KCTD3: variants seen among roughly 807,000 people sequenced by gnomAD.
The protein encoded by KCTD3 is BTB/POZ domain-containing protein KCTD3.
Under a neutral mutation model 85.8 loss-of-function variants are expected in KCTD3, and 41 were observed. The ratio of observed to expected loss-of-function variants is 0.48; its 90% confidence interval spans 0.37 to 0.62. The LOEUF is 0.62. Ranked by LOEUF, KCTD3 falls within the 20% of genes least tolerant of loss-of-function variation. KCTD3 has a pLI of 0.00. For missense variants in KCTD3, 724 were observed against 989.9 expected (o/e 0.73, Z 3.60); for synonymous variants, 338 against 345.4 (o/e 0.98, Z 0.24).
rs1435536609 is a variant in KCTD3 at position 215,620,355 on chromosome 1, C to T, written c.2185C>T (p.His729Tyr). 1.2e-6 allele frequency: 2 copies of T among 1,613,100 alleles called. No individual in the cohort carries two copies. Among genetic ancestry groups the T allele is most frequent in the African/African-American group, 2.7e-5 (2 of 74,776 alleles). ...AGAATTGGATAGTGGATTGGAAGTG[C>T]ATAAAATAGCTGAAGGTTTTTCAGA... is the stretch of plus-strand genomic sequence containing the variant. ...LRELDSGLEV[H>Y]KIAEGFSESK... The change falls in exon 18 of 18, where the codon CAT becomes TAT. Residue 729 changes from histidine to tyrosine, a missense_variant. Physicochemically the swap from His to Tyr is moderately conservative, Grantham distance 83. Around this residue, in one of 6 missense-constraint regions of KCTD3, gnomAD observed 222 missense variants for 217.7 expected, o/e 1.02. Transcript: ENST00000259154.
intron 13 of KCTD3, among the ~76,000 whole-genome samples, chr1:215,607,368 TCAGA>T (rs1655070211): frequency 6.6e-6 from 1 of 151,904 alleles, no homozygotes; most frequent in Non-Finnish European, 1.5e-5. Flanking sequence ...GAGTATCTAC[TCAGA>T]CAAAAAAAAG....
At chr1:215,584,326 T>G (rs1659933342) in intron 8 of KCTD3, among the ~76,000 whole-genome samples, 1 of 152,248 alleles carries the variant, frequency 6.6e-6, no homozygotes, top group African/African-American at 2.4e-5. Context: ...AGGACTGATT[T>G]GTTTGCAAAA....
At chr1:215,582,357 A>G (rs183656721) in intron 8 of KCTD3, among the ~76,000 whole-genome samples, 1 of 152,234 alleles carries the variant, frequency 6.6e-6, no homozygotes, top group Admixed American at 6.5e-5. Context: ...ATAAGTTTCA[A>G]AATCTCACAG....
At chr1:215,571,419 G>C (rs1389001331) in intron 1 of KCTD3, among the ~76,000 whole-genome samples, 1 of 152,124 alleles carries the variant, frequency 6.6e-6, no homozygotes, top group Non-Finnish European at 1.5e-5. Flanking sequence ...ATGGGCGTAG[G>C]AACTGCTTAT....
chr1:215,590,275 A>T (rs970425063), intron 9 of KCTD3, among the ~76,000 whole-genome samples: 1 of 152,110 alleles, frequency 6.6e-6, no homozygotes, highest in Non-Finnish European at 1.5e-5. Flanking sequence ...GCCCTTTTTA[A>T]TGAGGTTGTC....
At chr1:215,596,655 A>G (rs1360517437) in intron 10 of KCTD3, among the ~76,000 whole-genome samples, 1 of 152,198 alleles carries the variant, frequency 6.6e-6, no homozygotes, top group South Asian at 2.1e-4. Flanking sequence ...GAAGTAAAAG[A>G]TCAGAGAAGA....
At chr1:215,586,031 A>G (rs1659994322) in intron 8 of KCTD3, among the ~76,000 whole-genome samples, 1 of 152,224 alleles carries the variant, frequency 6.6e-6, no homozygotes, top group Non-Finnish European at 1.5e-5. Context: ...CATTTCAGTT[A>G]ATAAACCCTG....
chr1:215,586,720 A>G, intron 9 of KCTD3, 35 bp downstream of exon 9: 1 of 1,541,034 alleles, frequency 6.5e-7, no homozygotes, highest in African/African-American at 1.4e-5. Flanking sequence ...CAATTTGATG[A>G]TATTAATATT....
At chr1:215,612,837 A>G (rs975458460) in intron 15 of KCTD3, among the ~76,000 whole-genome samples, 2 of 152,100 alleles carry the variant, frequency 1.3e-5, no homozygotes, top group Admixed American at 1.3e-4. Flanking sequence ...TTCCTTTTCT[A>G]TTGACTGAAA....
intron 15 of KCTD3, among the ~76,000 whole-genome samples, chr1:215,617,503 C>T (rs1655498222): frequency 6.6e-6 from 1 of 152,062 alleles, no homozygotes. Context: ...CCCTCCACCC[C>T]ATTTGGTCAC....
intron 14 of KCTD3, among the ~76,000 whole-genome samples, chr1:215,609,848 A>G (rs193058563): frequency 2.6e-4 from 40 of 151,954 alleles, no homozygotes; most frequent in African/African-American, 8.2e-4. Context: ...TGGTATGAAG[A>G]TATACCTGGT....
At chr1:215,605,419 C>G (rs1470281493) in intron 13 of KCTD3, among the ~76,000 whole-genome samples, 2 of 152,108 alleles carry the variant, frequency 1.3e-5, no homozygotes, top group Non-Finnish European at 2.9e-5. Context: ...GTTTCTAACT[C>G]TTGCTGGTTC....
chr1:215,596,537 G>A (rs1424899116), intron 10 of KCTD3, among the ~76,000 whole-genome samples: 4 of 152,040 alleles, frequency 2.6e-5, no homozygotes, highest in Non-Finnish European at 5.9e-5. Context: ...AGAGCCAAAG[G>A]GACACATTAT....
chr1:215,616,095 G>C (rs1055492091), intron 15 of KCTD3, among the ~76,000 whole-genome samples: 2 of 152,140 alleles, frequency 1.3e-5, no homozygotes, highest in African/African-American at 2.4e-5. Context: ...TCTGGTTTCT[G>C]TGAGCCACCT....
chr1:215,579,801 A>G (rs1659744522), intron 7 of KCTD3, 108 bp from the exon 8 acceptor site: 1 of 741,546 alleles, frequency 1.3e-6, no homozygotes, highest in African/African-American at 1.7e-5. Context: ...CCCGGCTCTT[A>G]ACAAAACTAT....
chr1:215,592,275 T>C (rs938781584), intron 9 of KCTD3, among the ~76,000 whole-genome samples: 1 of 152,134 alleles, frequency 6.6e-6, no homozygotes, highest in African/African-American at 2.4e-5. Context: ...CCAGGGGGAA[T>C]GTGGGGCTTG....
At chr1:215,614,952 TATC>T (rs1489143336) in intron 15 of KCTD3, among the ~76,000 whole-genome samples, 1 of 152,224 alleles carries the variant, frequency 6.6e-6, no homozygotes, top group Non-Finnish European at 1.5e-5. Flanking sequence ...TTAAAACTGG[TATC>T]ATAACATTCT....
At chr1:215,577,635 G>T in intron 4 of KCTD3, 35 bp from the exon 5 acceptor site, 1 of 1,365,392 alleles carries the variant, frequency 7.3e-7, no homozygotes, top group Non-Finnish European at 1.0e-6. Context: ...CAGGTTTCCA[G>T]TGTTAGAGAA....
chr1:215,579,172 T>C (rs201590334), intron 7 of KCTD3, 35 bp downstream of exon 7: 118 of 1,578,956 alleles, frequency 7.5e-5, no homozygotes, highest in Middle Eastern at 1.7e-4. Flanking sequence ...AAAAGAAAAA[T>C]ACGTATGTTT....
Sources: gnomAD v4.1 joint callset for allele counts (sites outside exome capture counted in the v4.1 genomes callset) on GRCh38, gnomAD v4.1.1 for gene constraint, gnomAD v4.1.1 regional missense constraint, MANE v1.5 for transcripts, NCBI Gene and HGNC (gene_info 2026-07-23, HGNC 2026-07-21) for gene names.